Variants in TANC1 observed in about 807,000 individuals in gnomAD.
TANC1 encodes protein TANC1.
Under a neutral mutation model 149.7 loss-of-function variants are expected in TANC1, and 77 were observed. That is an observed-to-expected ratio of 0.51 (90% CI 0.43 to 0.62). TANC1 has a LOEUF of 0.62. Ranked by LOEUF, TANC1 falls within the 20% of genes least tolerant of loss-of-function variation. The pLI, the probability that TANC1 is intolerant of heterozygous loss-of-function variation, is 0.00. For missense variants in TANC1, 1,985 were observed against 2,321.8 expected, an observed-to-expected ratio of 0.85 and a Z score of 2.98; for synonymous variants, 854 against 925.0, an observed-to-expected ratio of 0.92 and a Z score of 1.39.
rs370980582 is a variant in TANC1 at position 158,986,959 on chromosome 2, G to A, written c.-125-14121G>A. On this transcript the variant is annotated intron_variant, in intron 1 of 26. Transcript: ENST00000263635. ...TCTCATGTATTAAAAAGAGGCTGGA[G>A]GAGGGAACCTGGGACGTGGAGAGTG... Among the ~76,000 whole-genome samples the A allele has an allele frequency of 4.6e-5, 7 of 152,008 alleles. No individual in the cohort carries two copies. In the East Asian group the frequency reaches 9.7e-4, roughly 21 times the overall value.
intron 2 of TANC1, among the ~76,000 whole-genome samples, chr2:159,062,821 G>T (rs1182899900): frequency 6.6e-6 from 1 of 151,042 alleles, no homozygotes; most frequent in Non-Finnish European, 1.5e-5. Flanking sequence ...CAAAAAATTA[G>T]CCGGGCGCGG....
At chr2:159,182,385 A>G (rs948305831) in intron 14 of TANC1, among the ~76,000 whole-genome samples, 3 of 152,190 alleles carry the variant, frequency 2.0e-5, no homozygotes, top group East Asian at 1.9e-4. Context: ...TAACCACGCT[A>G]TTACTGCACC....
intron 1 of TANC1, among the ~76,000 whole-genome samples, chr2:158,988,681 G>T (rs2035294476): frequency 6.6e-6 from 1 of 152,126 alleles, no homozygotes; most frequent in African/African-American, 2.4e-5. Context: ...GGAGCCAATT[G>T]AGCCCCCACT....
At chr2:159,181,676 G>T (rs761986146) in intron 14 of TANC1, among the ~76,000 whole-genome samples, 2 of 152,150 alleles carry the variant, frequency 1.3e-5, no homozygotes, top group Admixed American at 6.5e-5. Flanking sequence ...TGCAGGTCTG[G>T]ATTCAAATCT....
rs754052800 is a variant in TANC1, at chr2:159,136,002, T to TTGTGTGTG, written c.260-151_260-144dup. Among the ~76,000 whole-genome samples, 909 of 107,802 alleles carry TTGTGTGTG rather than the reference T, an allele frequency of 8.4e-3. 10 individuals carry two copies. The highest frequency in any genetic ancestry group is 0.062 in the Middle Eastern group (10 of 162). The allele number at this position is 107,802 out of a possible 152,430, so 70.7% of individuals were successfully genotyped here. ...ACGTTCCCTCGTCTGTACTGAAATT[T>TTGTGTGTG]TGTGTGTGTGTGTGTGTGTGTGTGT... On this transcript the variant is annotated intron_variant, in intron 4 of 26. Coordinates refer to ENST00000263635, the MANE Select transcript of TANC1 (RefSeq NM_033394.3).
chr2:159,013,231 T>C (rs1384152860), intron 2 of TANC1, among the ~76,000 whole-genome samples: 1 of 152,218 alleles, frequency 6.6e-6, no homozygotes, highest in African/African-American at 2.4e-5. Flanking sequence ...GGCTGACATA[T>C]TGAAGGCATA....
chr2:159,172,527 G>A (rs2055370780), intron 11 of TANC1, among the ~76,000 whole-genome samples: 1 of 152,202 alleles, frequency 6.6e-6, no homozygotes, highest in South Asian at 2.1e-4. Flanking sequence ...GCAGAAGGTA[G>A]CATGTGCACT....
At chr2:159,095,346 A>T (rs1478837720) in intron 3 of TANC1, among the ~76,000 whole-genome samples, 3 of 152,304 alleles carry the variant, frequency 2.0e-5, no homozygotes, top group East Asian at 3.9e-4. Flanking sequence ...CCGTCCATGC[A>T]TAGGTAACCC....
intron 5 of TANC1, among the ~76,000 whole-genome samples, chr2:159,146,246 G>T (rs2052070636): frequency 2.0e-5 from 3 of 152,172 alleles, no homozygotes; most frequent in Admixed American, 1.3e-4. Context: ...ATTAGGGAAG[G>T]GAGAGATTCA....
intron 4 of TANC1, among the ~76,000 whole-genome samples, chr2:159,131,664 C>T (rs1272276038): frequency 6.6e-6 from 1 of 152,158 alleles, no homozygotes; most frequent in Non-Finnish European, 1.5e-5. Flanking sequence ...AATCTTTTTG[C>T]TACAACTTTA....
chr2:159,174,129 T>C (rs990869834), intron 11 of TANC1, among the ~76,000 whole-genome samples: 1 of 152,210 alleles, frequency 6.6e-6, no homozygotes, highest in Non-Finnish European at 1.5e-5. Flanking sequence ...TACCTTCTAC[T>C]TGTGTTTCTC....
intron 7 of TANC1, among the ~76,000 whole-genome samples, chr2:159,153,917 G>A (rs752139502): frequency 8.5e-5 from 13 of 152,190 alleles, no homozygotes; most frequent in Non-Finnish European, 1.9e-4. Context: ...CTAGTTGGGC[G>A]GAGATGAAGA....
chr2:159,044,691 C>T (rs2040907172), intron 2 of TANC1, among the ~76,000 whole-genome samples: 1 of 152,122 alleles, frequency 6.6e-6, no homozygotes, highest in Admixed American at 6.5e-5. Flanking sequence ...CCAAGACATC[C>T]AGGACCAAAT....
intron 3 of TANC1, among the ~76,000 whole-genome samples, chr2:159,088,158 G>C (rs975898351): frequency 2.0e-5 from 3 of 151,964 alleles, no homozygotes; most frequent in African/African-American, 7.3e-5. Flanking sequence ...AGCAGCCCCA[G>C]GAAACTAACA....
chr2:159,136,788 CAAAAAAA>C (rs34488237), intron 5 of TANC1, among the ~76,000 whole-genome samples: 1 of 119,108 alleles, frequency 8.4e-6, no homozygotes, highest in African/African-American at 3.2e-5. Flanking sequence ...GAAGTAGGAG[CAAAAAAA>C]AAAAAAAAAA....
intron 5 of TANC1, among the ~76,000 whole-genome samples, chr2:159,144,677 G>A (rs1324828372): frequency 6.6e-6 from 1 of 152,208 alleles, no homozygotes; most frequent in Non-Finnish European, 1.5e-5. Flanking sequence ...GATTACAGGT[G>A]TAAGCCACCG....
intron 4 of TANC1, among the ~76,000 whole-genome samples, chr2:159,135,122 C>T (rs544767989): frequency 6.6e-6 from 1 of 152,316 alleles, no homozygotes; most frequent in East Asian, 1.9e-4. Context: ...GCCTGCATAA[C>T]CCCCAGCCCC....
At chr2:159,194,606 A>G in intron 17 of TANC1, 113 bp downstream of exon 17, 1 of 966,860 alleles carries the variant, frequency 1.0e-6, no homozygotes. Context: ...CAGCATACAC[A>G]GAAAGGGTCG....
chr2:159,085,788 G>A (rs1299969269), intron 3 of TANC1, among the ~76,000 whole-genome samples: 2 of 152,082 alleles, frequency 1.3e-5, no homozygotes, highest in East Asian at 1.9e-4. Flanking sequence ...ATCCACCCCC[G>A]TGACCCAACA....
Sources: gnomAD v4.1 joint callset for allele counts (sites outside exome capture counted in the v4.1 genomes callset) on GRCh38, gnomAD v4.1.1 for gene constraint, MANE v1.5 for transcripts, NCBI Gene and HGNC (gene_info 2026-07-23, HGNC 2026-07-21) for gene names.